SHD: variants seen among roughly 807,000 people sequenced by gnomAD.
SHD encodes the protein Src homology 2 domain containing transforming protein D.
In SHD, 29 loss-of-function variants were observed where a neutral mutation model predicts 31.2. That is an observed-to-expected ratio of 0.93 (90% CI 0.69 to 1.27). SHD has a LOEUF of 1.27. SHD is among the 50% of genes most tolerant of loss of function. SHD has a pLI of 0.00. For missense variants in SHD, 520 were observed against 453.8 expected (o/e 1.15, Z -1.33); for synonymous variants, 208 against 187.8 (o/e 1.11, Z -0.88).
chr19:4,290,390 G>A, intron 5 of SHD, 57 bp from the exon 6 acceptor site: 3 of 1,550,084 alleles, frequency 1.9e-6, no homozygotes, highest in Non-Finnish European at 2.6e-6. Flanking sequence ...TTTGGGGATG[G>A]TGCCTTTCTG....
intron 4 of SHD, among the ~76,000 whole-genome samples, chr19:4,287,639 G>A (rs1368977334): frequency 6.6e-6 from 1 of 151,812 alleles, no homozygotes; most frequent in Non-Finnish European, 1.5e-5. Context: ...GCAAAAATTA[G>A]CCATGTGTGG....
chr19:4,282,424 T>A (rs910013268), intron 1 of SHD, among the ~76,000 whole-genome samples: 7 of 143,808 alleles, frequency 4.9e-5, no homozygotes, highest in Admixed American at 2.8e-4. Context: ...CATCTCAAAA[T>A]AAATAAATAA....
In SHD at chr19:4,282,882, A is replaced by G. The variant is rs1189269667; in HGVS notation, c.310A>G (p.Thr104Ala). Residue 104 changes from threonine (T) to alanine (A), a missense_variant, in exon 2 of 6, where the codon ACT becomes GCT. Physicochemically the swap from Thr to Ala is moderately conservative, Grantham distance 58. Coordinates refer to ENST00000543264, the MANE Select transcript of SHD (RefSeq NM_020209.4). ...CTTCTCTCCGCAGCTGGAAGCCGACACTGAGTATTTAGACCCCTTTGATGC... is the reference window on the plus strand; with the variant it reads ...CTTCTCTCCGCAGCTGGAAGCCGACGCTGAGTATTTAGACCCCTTTGATGC... ...GGPGEELEAD[T>A]EYLDPFDAQP... 1.2e-6 allele frequency: 2 copies of G among 1,613,914 alleles called. No individual in the cohort carries two copies. Among genetic ancestry groups the G allele is most frequent in the Non-Finnish European group, 1.7e-6 (2 of 1,179,950 alleles).
At chr19:4,287,331 C>A (rs374725366) in intron 4 of SHD, among the ~76,000 whole-genome samples, 48 of 145,996 alleles carry the variant, frequency 3.3e-4, no homozygotes, top group South Asian at 6.6e-4. Flanking sequence ...GACTCTGTCT[C>A]AAAAAAAAAG....
At chr19:4,289,669 C>T (rs1401903057) in intron 5 of SHD, among the ~76,000 whole-genome samples, 1 of 151,536 alleles carries the variant, frequency 6.6e-6, no homozygotes, top group East Asian at 2.0e-4. Context: ...CTCCCGGGTT[C>T]ACGCCATTCT....
chr19:4,287,201 G>C (rs4807576), intron 4 of SHD, among the ~76,000 whole-genome samples: 129 of 151,610 alleles, frequency 8.5e-4, no homozygotes, highest in Non-Finnish European at 1.5e-3. Context: ...GCGTGGTGGC[G>C]GGTGCCTGTA....
rs1314738943 is a variant in SHD at position 4,284,918 on chromosome 19, C to G, written c.716+14C>G. The G allele has an allele frequency of 6.3e-7, 1 of 1,579,844 alleles. No homozygotes were observed. Among genetic ancestry groups the G allele is most frequent in the East Asian group, 2.3e-5 (1 of 43,464 alleles). On this transcript the variant is annotated intron_variant, in intron 4 of 5. Transcript: ENST00000543264. ...GGAGAAACAGCCGTGAGTGGGGAAG[C>G]TGAAGGTGGAAGAGCCCCGTTGAAC... is the stretch of plus-strand genomic sequence containing the variant.
At chr19:4,286,290 T>TCCTTCCTTCCTTCCTTCCTTCCTTCCTA (rs1568369478) in intron 4 of SHD, among the ~76,000 whole-genome samples, 9 of 117,622 alleles carry the variant, frequency 7.7e-5, no homozygotes, top group Non-Finnish European at 1.3e-4. Context: ...TTTTTTTCTT[T>TCCTTCCTTCCTTCCTTCCTTCCTTCCTA]CCTTCCTTCC....
intron 3 of SHD, 145 bp from the exon 4 acceptor site, chr19:4,284,636 C>T: frequency 1.0e-6 from 1 of 1,000,090 alleles, no homozygotes; most frequent in Non-Finnish European, 1.4e-6. Flanking sequence ...GCCAATCCTG[C>T]CCCTGCCTTA....
chr19:4,282,989 G>T lies in SHD; in HGVS notation c.403+14G>T. On this transcript the variant is annotated intron_variant, in intron 2 of 5. Transcript: ENST00000543264. ...GGGTCATGAGTGGTGAGTAGGCACG[G>T]CTTGGGGGAAGGTGACAGGGTCCCA... 1.2e-6 allele frequency: 2 copies of T among 1,614,098 alleles called. No individual in the cohort carries two copies. Among genetic ancestry groups the T allele is most frequent in the Non-Finnish European group, 1.7e-6 (2 of 1,180,000 alleles).
At chr19:4,287,905 T>C (rs144848560) in intron 4 of SHD, among the ~76,000 whole-genome samples, 1 of 127,228 alleles carries the variant, frequency 7.9e-6, no homozygotes, top group African/African-American at 3.1e-5. Flanking sequence ...TTTGTTTGTT[T>C]GTTTGTTCGT....
At chr19:4,282,237 T>C (rs1971263260) in intron 1 of SHD, among the ~76,000 whole-genome samples, 1 of 151,078 alleles carries the variant, frequency 6.6e-6, no homozygotes, top group Non-Finnish European at 1.5e-5. Context: ...CTGGCCAACA[T>C]GGTGAAACCC....
Position 4,279,639 on chromosome 19 carries a change from C to G in SHD, c.-425C>G, listed in dbSNP as rs1010444892. The G allele has an allele frequency of 6.2e-6, 1 of 160,910 alleles. No homozygotes were observed. Among genetic ancestry groups the G allele is most frequent in the East Asian group, 1.8e-4 (1 of 5,474 alleles). The allele number at this position is 160,910 out of a possible 1,614,324, so 10.0% of individuals were successfully genotyped here. A position where few individuals can be genotyped will look rare whatever the true frequency, so the allele number is the denominator to read the frequency against. On this transcript the variant is annotated 5_prime_UTR_variant, in exon 1 of 6. Transcript: ENST00000543264. This position sits in a 1 kb window ranked among gnomAD's most constrained non-coding sequence, Gnocchi z 7.5. Reference sequence around the variant, plus strand: ...GGAGCGTCCGCAGGTGGCGCTGGCCCGGATCTCCCGACCCCAGGAAGGGAT... The same window carrying G: ...GGAGCGTCCGCAGGTGGCGCTGGCCGGGATCTCCCGACCCCAGGAAGGGAT...
Position 4,290,520 on chromosome 19 carries a change from G to C in SHD, c.910G>C (p.Gly304Arg), listed in dbSNP as rs373893063. ...ENQVVLGQHS[G>R]PFPSVPELVL... is the part of the protein sequence containing the mutation. Reference sequence around the variant, plus strand: ...CCAGGTGGTGCTGGGCCAACACAGCGGGCCCTTCCCCAGCGTGCCCGAGCT... The same window carrying C: ...CCAGGTGGTGCTGGGCCAACACAGCCGGCCCTTCCCCAGCGTGCCCGAGCT... Residue 304 changes from glycine to arginine, a missense_variant, in exon 6 of 6, where the codon GGG becomes CGG. Transcript: ENST00000543264. The C allele has an allele frequency of 6.2e-7, 1 of 1,613,596 alleles. No individual in the cohort carries two copies. The highest frequency in any genetic ancestry group is 1.7e-5 in the Admixed American group (1 of 59,992).
chr19:4,287,699 C>T (rs1047302400), intron 4 of SHD, among the ~76,000 whole-genome samples: 2 of 151,410 alleles, frequency 1.3e-5, no homozygotes, highest in East Asian at 2.0e-4. Flanking sequence ...GCAGGAGAAT[C>T]GCTTGAACCC....
chr19:4,280,351 C>G lies in SHD; in HGVS notation c.288C>G (p.Pro96=). The G allele has an allele frequency of 6.4e-7, 1 of 1,568,348 alleles. No homozygotes were observed. The highest frequency in any genetic ancestry group is 8.6e-7 in the Non-Finnish European group (1 of 1,156,398). The stretch of plus-strand genomic sequence containing the variant: ...GAGCCAAGGCCCTTCTGGGCGGCCC[C>G]GGGGAGGAGGTGCGTGGCTGGGTGG... ...MARAKALLGG[P]GEELEADTEY... Residue 96 remains proline (P), a synonymous_variant, in exon 1 of 6, where the codon CCC becomes CCG. Coordinates refer to ENST00000543264, the MANE Select transcript of SHD (RefSeq NM_020209.4).
chr19:4,280,622 G>T (rs1417349344), intron 1 of SHD, among the ~76,000 whole-genome samples: 1 of 151,990 alleles, frequency 6.6e-6, no homozygotes, highest in African/African-American at 2.4e-5. Context: ...CACCTCCTGG[G>T]GTTCAAGCGA....
chr19:4,284,624 T>C (rs1971289514), intron 3 of SHD, 157 bp from the exon 4 acceptor site: 2 of 837,744 alleles, frequency 2.4e-6, no homozygotes, highest in Non-Finnish European at 3.4e-6. Context: ...GTTGCACCTG[T>C]GGCCAATCCT....
At chr19:4,287,901 TGTTTGTTTGTTC>T (rs879658704) in intron 4 of SHD, among the ~76,000 whole-genome samples, 5 of 138,556 alleles carry the variant, frequency 3.6e-5, no homozygotes, top group African/African-American at 5.8e-5. Context: ...TTTGTTTGTT[TGTTTGTTTGTTC>T]GTTTGTTTTG....
Sources: allele counts gnomAD v4.1 joint callset (sites outside exome capture counted in the v4.1 genomes callset), GRCh38; gene constraint gnomAD v4.1.1; non-coding constraint Gnocchi (gnomAD v3.1); transcripts MANE v1.5; gene names NCBI Gene and HGNC (gene_info 2026-07-23, HGNC 2026-07-21).